ERICH3: variants seen among roughly 807,000 people sequenced by gnomAD.
ERICH3 encodes glutamate rich 3.
In ERICH3, 126 loss-of-function variants were observed where a neutral mutation model predicts 131.1. The observed-to-expected ratio is 0.96, with a 90% CI of 0.83 to 1.11. The LOEUF (loss-of-function observed/expected upper bound fraction) is 1.11. ERICH3 is among the 50% of genes most tolerant of loss of function. The pLI is 0.00. For missense variants in ERICH3, 2,050 were observed against 1,810.7 expected, an observed-to-expected ratio of 1.13 and a Z score of -2.40; for synonymous variants, 695 against 644.6, an observed-to-expected ratio of 1.08 and a Z score of -1.18.
chr1:74,646,937 GA>G, intron 2 of ERICH3, 145 bp from the exon 3 acceptor site: 1 of 257,448 alleles, frequency 3.9e-6, no homozygotes. Context: ...GAGAGAGAGA[GA>G]GGCATTGGGG....
chr1:74,621,907 C>T (rs902447122), intron 7 of ERICH3: 8 of 152,132 alleles, frequency 5.3e-5, no homozygotes, highest in African/African-American at 1.9e-4. Flanking sequence ...GAATTGTACA[C>T]AGGCCAGCCT....
intron 6 of ERICH3, 59 bp downstream of exon 6, chr1:74,636,220 AT>A: frequency 1.5e-6 from 2 of 1,362,272 alleles, no homozygotes; most frequent in Admixed American, 4.6e-5. Flanking sequence ...GACCACTGTA[AT>A]AACCTATAAT....
intron 12 of ERICH3, chr1:74,578,582 C>T (rs930715738): frequency 7.2e-5 from 11 of 152,034 alleles, no homozygotes; most frequent in Admixed American, 6.6e-4. Context: ...CTTTCCTTCC[C>T]TTTCTTCCTT....
At position 74,570,162 on chromosome 1, in the gene ERICH3, T is replaced by C. The variant is rs2100494057; in HGVS notation, c.*296A>G. 1 of 152,346 alleles carries C rather than the reference T, an allele frequency of 6.6e-6. No individual in the cohort carries two copies. Among genetic ancestry groups the C allele is most frequent in the East Asian group, 1.9e-4 (1 of 5,184 alleles). The allele number at this position is 152,346 out of a possible 1,614,324, so 9.4% of individuals were successfully genotyped here. A position where few individuals can be genotyped will look rare whatever the true frequency, so the allele number is the denominator to read the frequency against. ...AAAGTCAAGCATCTGAAAATTATCA[T>C]TTTTGTTTGAAAATAATGTTAGGTG... On this transcript the variant is annotated 3_prime_UTR_variant, in exon 15 of 15. Transcript: ENST00000326665.
intron 10 of ERICH3, among the ~76,000 whole-genome samples, chr1:74,600,506 ATCAT>A (rs149368335): frequency 6.6e-6 from 1 of 151,980 alleles, no homozygotes; most frequent in Non-Finnish European, 1.5e-5. Flanking sequence ...CAGAAATGAA[ATCAT>A]ATGCATTATT....
At chr1:74,587,563 C>G (rs893138812) in intron 12 of ERICH3, among the ~76,000 whole-genome samples, 1 of 152,006 alleles carries the variant, frequency 6.6e-6, no homozygotes, top group Non-Finnish European at 1.5e-5. Flanking sequence ...GATCATAGTG[C>G]TACATCTCTG....
At chr1:74,648,332 C>T (rs1358080105) in intron 2 of ERICH3, among the ~76,000 whole-genome samples, 1 of 152,086 alleles carries the variant, frequency 6.6e-6, no homozygotes, top group Non-Finnish European at 1.5e-5. Flanking sequence ...CTAACTGCCA[C>T]GACAATTCTG....
chr1:74,616,161 C>G (rs1648953696), intron 8 of ERICH3, among the ~76,000 whole-genome samples: 1 of 151,880 alleles, frequency 6.6e-6, no homozygotes, highest in Non-Finnish European at 1.5e-5. Context: ...ACCACCATGG[C>G]CAGCTATATA....
chr1:74,580,032 T>C (rs1289142688), intron 12 of ERICH3: 1 of 398,966 alleles, frequency 2.5e-6, no homozygotes, highest in Non-Finnish European at 3.4e-6. Context: ...TTAAATAATA[T>C]GTATTGTATT....
At chr1:74,582,892 C>G (rs1383147723) in intron 12 of ERICH3, among the ~76,000 whole-genome samples, 1 of 152,038 alleles carries the variant, frequency 6.6e-6, no homozygotes, top group Non-Finnish European at 1.5e-5. Flanking sequence ...ATTTTTCAGG[C>G]CAAACATAGT....
intron 10 of ERICH3, among the ~76,000 whole-genome samples, chr1:74,602,517 A>G (rs567255338): frequency 3.9e-4 from 59 of 152,058 alleles, no homozygotes; most frequent in African/African-American, 1.4e-3. Flanking sequence ...GTCAACATCA[A>G]TCTAGCCACA....
At chr1:74,640,276 G>A (rs1254107060) in intron 5 of ERICH3, among the ~76,000 whole-genome samples, 3 of 152,030 alleles carry the variant, frequency 2.0e-5, no homozygotes, top group Non-Finnish European at 1.5e-5. Flanking sequence ...TAGTGAATTT[G>A]CCATCCAATA....
chr1:74,598,818 T>C (rs370819567), intron 11 of ERICH3, among the ~76,000 whole-genome samples: 36 of 151,872 alleles, frequency 2.4e-4, no homozygotes, highest in African/African-American at 8.2e-4. Flanking sequence ...GGAATGTGAA[T>C]TATATGACCC....
rs531590894 is a variant in ERICH3 at position 74,585,382 on chromosome 1, G to A, written c.2176+4249C>T. ...TATTCAATTCATCTGATTTGTTGAT[G>A]GACTGGACAAAGTCCAATTAAATAT... On this transcript the variant is annotated intron_variant, in intron 12 of 14. Transcript: ENST00000326665. Among the ~76,000 whole-genome samples, 10 of 152,212 alleles carry A rather than the reference G, an allele frequency of 6.6e-5. No homozygotes were observed. In the South Asian group the frequency reaches 2.1e-3, roughly 32 times the overall value.
chr1:74,673,568 C>T lies in ERICH3; in HGVS notation c.-49G>A, dbSNP rs775101565. ...CCGCGGCAGGTGCGGAGGGTGGGTG[C>T]GTGGGGCCCCGTGCGCGCTGGCGCT... On this transcript the variant is annotated 5_prime_UTR_variant, in exon 1 of 15. Transcript: ENST00000326665. 3 of 1,594,054 alleles carry T rather than the reference C, an allele frequency of 1.9e-6. No homozygotes were observed. In the Admixed American group the frequency reaches 5.2e-5, roughly 27 times the overall value.
At chr1:74,654,871 G>C (rs753970559) in intron 1 of ERICH3, among the ~76,000 whole-genome samples, 1 of 152,118 alleles carries the variant, frequency 6.6e-6, no homozygotes, top group African/African-American at 2.4e-5. Flanking sequence ...ACGAATCATA[G>C]TGAAGAGCAC....
chr1:74,629,576 C>T (rs923819380), intron 7 of ERICH3, among the ~76,000 whole-genome samples: 3 of 152,066 alleles, frequency 2.0e-5, no homozygotes, highest in African/African-American at 7.2e-5. Flanking sequence ...GCTGCTGCTC[C>T]CTCCTCCATG....
intron 8 of ERICH3, among the ~76,000 whole-genome samples, chr1:74,617,436 C>T (rs1312168711): frequency 6.6e-6 from 1 of 152,104 alleles, no homozygotes; most frequent in African/African-American, 2.4e-5. Flanking sequence ...AAACTAGTAT[C>T]AATACAAATG....
chr1:74,629,768 G>C (rs1649530685), intron 7 of ERICH3, among the ~76,000 whole-genome samples: 2 of 152,158 alleles, frequency 1.3e-5, no homozygotes, highest in Admixed American at 6.6e-5. Context: ...ATTCTATTCA[G>C]CTTATTTTCT....
Sources: allele counts gnomAD v4.1 joint callset (sites outside exome capture counted in the v4.1 genomes callset), GRCh38; gene constraint gnomAD v4.1.1; transcripts MANE v1.5; gene names NCBI Gene and HGNC (gene_info 2026-07-23, HGNC 2026-07-21).